Variants in PCDH9 observed in about 807,000 individuals in gnomAD.
PCDH9 encodes the protein protocadherin-9.
PCDH9 carries 24 observed loss-of-function variants against 70.6 expected under a neutral mutation model. The ratio of observed to expected loss-of-function variants is 0.34; its 90% CI spans 0.25 to 0.48. The LOEUF (loss-of-function observed/expected upper bound fraction) is 0.48. Ranked by LOEUF, PCDH9 falls within the 20% of genes least tolerant of loss-of-function variation. PCDH9 has a pLI of 0.99. For synonymous variants in PCDH9, 562 were observed against 558.5 expected (o/e 1.01, Z -0.09); for missense variants, 1,281 against 1,503.6 (o/e 0.85, Z 2.45).
chr13:67,089,827 T>C (rs1175846732), intron 2 of PCDH9, among the ~76,000 whole-genome samples: 2 of 151,954 alleles, frequency 1.3e-5, no homozygotes, highest in Non-Finnish European at 2.9e-5. Context: ...AGATGAAAAA[T>C]AGAGATTCTA....
At chr13:66,856,300 T>C (rs944585626) in intron 3 of PCDH9, among the ~76,000 whole-genome samples, 5 of 152,040 alleles carry the variant, frequency 3.3e-5, no homozygotes, top group Admixed American at 1.3e-4. Flanking sequence ...CAAGGGGCTA[T>C]GAGAAAGTTG....
At chr13:66,516,050 A>G (rs1012940841) in intron 4 of PCDH9, among the ~76,000 whole-genome samples, 19 of 152,016 alleles carry the variant, frequency 1.2e-4, no homozygotes, top group African/African-American at 4.6e-4. Context: ...TCTTAACACC[A>G]TTTGAAATAC....
intron 2 of PCDH9, among the ~76,000 whole-genome samples, chr13:67,181,435 G>A (rs925796101): frequency 2.0e-5 from 3 of 152,074 alleles, no homozygotes; most frequent in African/African-American, 7.2e-5. Flanking sequence ...AGAGAGGAAT[G>A]GGTAGAAAAA....
intron 2 of PCDH9, among the ~76,000 whole-genome samples, chr13:66,964,503 A>G (rs189117232): frequency 1.8e-4 from 28 of 152,100 alleles, no homozygotes; most frequent in African/African-American, 6.3e-4. Flanking sequence ...TTTCACTTCA[A>G]TGATTGCTTT....
At chr13:66,959,282 T>C (rs2083308730) in intron 2 of PCDH9, among the ~76,000 whole-genome samples, 1 of 152,140 alleles carries the variant, frequency 6.6e-6, no homozygotes, top group Non-Finnish European at 1.5e-5. Context: ...AAGGAAAGTG[T>C]GACTTTAAAA....
intron 3 of PCDH9, among the ~76,000 whole-genome samples, chr13:66,713,598 GTATATA>G (rs1166700753): frequency 8.3e-6 from 1 of 119,846 alleles, no homozygotes; most frequent in Non-Finnish European, 1.7e-5. Flanking sequence ...TTGTGTTTGT[GTATATA>G]TATATAAAGT....
intron 4 of PCDH9, among the ~76,000 whole-genome samples, chr13:66,351,235 T>G (rs1054314580): frequency 2.6e-5 from 4 of 152,132 alleles, no homozygotes; most frequent in Non-Finnish European, 5.9e-5. Flanking sequence ...CCAGCCTGGC[T>G]AGGTGTATCT....
intron 4 of PCDH9, among the ~76,000 whole-genome samples, chr13:66,517,833 A>T (rs1959810237): frequency 6.6e-6 from 1 of 152,166 alleles, no homozygotes; most frequent in Non-Finnish European, 1.5e-5. Context: ...TGCTGCAATA[A>T]ACTTACTTTT....
chr13:66,864,093 C>G (rs1021821960), intron 3 of PCDH9, among the ~76,000 whole-genome samples: 2 of 151,988 alleles, frequency 1.3e-5, no homozygotes, highest in Non-Finnish European at 2.9e-5. Context: ...GTAACTGCCC[C>G]CATAATTCAA....
Position 66,679,756 on chromosome 13 carries a change from T to C in PCDH9, c.3139-48345A>G, listed in dbSNP as rs547483083. Among the ~76,000 whole-genome samples the C allele has an allele frequency of 6.8e-4, 104 of 152,056 alleles. 2 individuals are homozygous for C. Among genetic ancestry groups the C allele is most frequent in the Non-Finnish European group, 1.3e-3 (85 of 67,850 alleles). On this transcript the variant is annotated intron_variant, in intron 3 of 4. Transcript: ENST00000377865. ...TTTTAGTAATATAATATGCATAGCC[T>C]TTCTTTCCAATGTTGAAAAGAACAA...
chr13:67,065,302 A>G (rs1267259873), intron 2 of PCDH9, among the ~76,000 whole-genome samples: 1 of 152,208 alleles, frequency 6.6e-6, no homozygotes, highest in Non-Finnish European at 1.5e-5. Context: ...GTCATTTGCC[A>G]AAGAAAAGTG....
At chr13:66,355,298 A>G (rs1956362980) in intron 4 of PCDH9, among the ~76,000 whole-genome samples, 1 of 152,064 alleles carries the variant, frequency 6.6e-6, no homozygotes, top group South Asian at 2.1e-4. Flanking sequence ...TGAGTCACAG[A>G]CATGCGCATA....
chr13:66,745,920 C>T (rs1246973274), intron 3 of PCDH9, among the ~76,000 whole-genome samples: 2 of 152,098 alleles, frequency 1.3e-5, no homozygotes, highest in Non-Finnish European at 2.9e-5. Flanking sequence ...ACATTATTCC[C>T]CCTTAGATCC....
chr13:66,896,291 A>G (rs2082177347), intron 3 of PCDH9, among the ~76,000 whole-genome samples: 3 of 152,180 alleles, frequency 2.0e-5, no homozygotes, highest in African/African-American at 7.2e-5. Flanking sequence ...CAATGAAGTA[A>G]TTCATAAGGC....
chr13:67,186,643 A>G (rs1479228257), intron 2 of PCDH9, among the ~76,000 whole-genome samples: 1 of 152,210 alleles, frequency 6.6e-6, no homozygotes, highest in African/African-American at 2.4e-5. Flanking sequence ...TAAGGAGGAA[A>G]GGGAAAATTA....
chr13:66,898,350 G>GA (rs1318035750), intron 3 of PCDH9, among the ~76,000 whole-genome samples: 1 of 151,688 alleles, frequency 6.6e-6, no homozygotes, highest in Non-Finnish European at 1.5e-5. Context: ...TATGAAGAAA[G>GA]AAAAAATTTA....
chr13:66,705,298 G>T (rs539397316), intron 3 of PCDH9, among the ~76,000 whole-genome samples: 1 of 152,150 alleles, frequency 6.6e-6, no homozygotes, highest in Non-Finnish European at 1.5e-5. Flanking sequence ...ATAAACTGCT[G>T]CTATTGTCAT....
intron 2 of PCDH9, among the ~76,000 whole-genome samples, chr13:67,191,294 C>T (rs1365841375): frequency 1.3e-5 from 2 of 152,032 alleles, no homozygotes; most frequent in Non-Finnish European, 2.9e-5. Context: ...AATGTACATT[C>T]CTCGAAAATA....
intron 4 of PCDH9, among the ~76,000 whole-genome samples, chr13:66,479,525 T>C (rs1206952938): frequency 6.6e-6 from 1 of 152,188 alleles, no homozygotes; most frequent in Non-Finnish European, 1.5e-5. Context: ...GAGGTCAAAA[T>C]ACTGAGAGGT....
Sources: allele counts gnomAD v4.1 joint callset (sites outside exome capture counted in the v4.1 genomes callset), GRCh38; gene constraint gnomAD v4.1.1; transcripts MANE v1.5; gene names NCBI Gene and HGNC (gene_info 2026-07-23, HGNC 2026-07-21).